TRIM24: variants seen among roughly 807,000 people sequenced by gnomAD.
The protein encoded by TRIM24 is tripartite motif containing 24.
A neutral mutation model predicts 123.9 loss-of-function variants in TRIM24; 29 were observed. That is an observed-to-expected ratio of 0.23 (90% confidence interval 0.17 to 0.32). TRIM24 has a LOEUF of 0.32. Ranked by LOEUF, TRIM24 falls within the 10% of genes least tolerant of loss-of-function variation. TRIM24 has a pLI of 1.00. For missense variants in TRIM24, 932 were observed against 1,295.3 expected, an observed-to-expected ratio of 0.72 and a Z score of 4.31; for synonymous variants, 456 against 461.1, an observed-to-expected ratio of 0.99 and a Z score of 0.14.
chr7:138,463,507 C>T (rs1795059786), intron 1 of TRIM24, among the ~76,000 whole-genome samples: 1 of 152,198 alleles, frequency 6.6e-6, no homozygotes, highest in Admixed American at 6.5e-5. Flanking sequence ...GCTGGGATTA[C>T]AGGTGTGAGC....
At chr7:138,577,726 A>G in intron 14 of TRIM24, 138 bp downstream of exon 14, 1 of 739,562 alleles carries the variant, frequency 1.4e-6, no homozygotes. Flanking sequence ...CTCTCAGTAA[A>G]TTAAACAAAA....
At chr7:138,470,775 G>C (rs1795256727) in intron 1 of TRIM24, among the ~76,000 whole-genome samples, 1 of 152,196 alleles carries the variant, frequency 6.6e-6, no homozygotes, top group Admixed American at 6.5e-5. Context: ...ACCTGAATAT[G>C]CAATTAGCTG....
intron 5 of TRIM24, among the ~76,000 whole-genome samples, chr7:138,527,229 CTT>C (rs1397894250): frequency 6.6e-6 from 1 of 151,996 alleles, no homozygotes; most frequent in African/African-American, 2.4e-5. Context: ...TATAGTAAGT[CTT>C]AACATAGTGT....
chr7:138,554,618 T>C lies in TRIM24; in HGVS notation c.1262-80T>C. On this transcript the variant is annotated intron_variant, in intron 8 of 18. Coordinates refer to ENST00000343526, the MANE Select transcript of TRIM24 (RefSeq NM_015905.3). This position sits in a 1 kb window ranked among gnomAD's most constrained non-coding sequence, Gnocchi z 4.5. The stretch of plus-strand genomic sequence containing the variant: ...GAATTTCTTGGCAATTTTGAAGTTC[T>C]GCAAAAATAGCTTTAGAAAATGTGA... 6.7e-7 allele frequency: 1 copy of C among 1,497,894 alleles called. No individual in the cohort carries two copies. Among genetic ancestry groups the C allele is most frequent in the Non-Finnish European group, 9.0e-7 (1 of 1,105,446 alleles). The allele number at this position is 1,497,894 out of a possible 1,614,324, so 92.8% of individuals were successfully genotyped here.
intron 11 of TRIM24, 25 bp from the exon 12 acceptor site, chr7:138,573,482 C>T (rs757261136): frequency 2.0e-6 from 3 of 1,517,652 alleles, no homozygotes; most frequent in South Asian, 2.7e-5. Flanking sequence ...TCAGAATGCC[C>T]TGAAATAATT....
At chr7:138,550,914 G>A (rs1584734055) in intron 7 of TRIM24, 149 bp from the exon 8 acceptor site, 5 of 567,046 alleles carry the variant, frequency 8.8e-6, no homozygotes, top group East Asian at 3.2e-5. Flanking sequence ...AACTTGTTTT[G>A]GAAAGAAAAT....
chr7:138,506,299 A>G (rs963171408), intron 2 of TRIM24, among the ~76,000 whole-genome samples: 1 of 152,244 alleles, frequency 6.6e-6, no homozygotes, highest in African/African-American at 2.4e-5. Context: ...AGAAAGAAAC[A>G]TATTTATGTA....
intron 1 of TRIM24, chr7:138,490,923 TG>T: frequency 2.6e-6 from 1 of 380,438 alleles, no homozygotes; most frequent in Non-Finnish European, 5.0e-6. Context: ...CTTCCGTATC[TG>T]ATTGTTGGTT....
rs181629928 is a variant in TRIM24 at position 138,573,917 on chromosome 7, G to A, written c.2014+275G>A. ...TGAGCTCAAGCGATCTCCCACCTCA[G>A]CCTCCTGAGTAGCTGGGACTGTAAG... is the stretch of plus-strand genomic sequence containing the variant. On this transcript the variant is annotated intron_variant, in intron 12 of 18. Transcript: ENST00000343526. Among the ~76,000 whole-genome samples, 66 of 152,236 alleles carry A rather than the reference G, an allele frequency of 4.3e-4. No individual in the cohort carries two copies. In the East Asian group the frequency reaches 0.012, roughly 27 times the overall value.
At chr7:138,563,709 G>A (rs1797474757) in intron 9 of TRIM24, among the ~76,000 whole-genome samples, 1 of 152,200 alleles carries the variant, frequency 6.6e-6, no homozygotes, top group African/African-American at 2.4e-5. Context: ...GGGTCAAACG[G>A]AGTGTAAAGC....
intron 10 of TRIM24, among the ~76,000 whole-genome samples, chr7:138,570,429 G>C (rs1053348572): frequency 6.6e-6 from 1 of 152,242 alleles, no homozygotes; most frequent in African/African-American, 2.4e-5. Context: ...ATAAAATCCT[G>C]AAAGTACCAG....
rs1554429651 is a variant in TRIM24, at chr7:138,463,989, C to CATTTTTTTTTT, written c.364+3077_364+3078insATTTTTTTTTT. ...ATACTAGCTGAAGCAAAAATTTAGA[C>CATTTTTTTTTT]TTTTTTTTTTTTTTTTTTTTTTTGA... On this transcript the variant is annotated intron_variant, in intron 1 of 18. Transcript: ENST00000343526. Among the ~76,000 whole-genome samples, 120 of 50,750 alleles carry CATTTTTTTTTT rather than the reference C, an allele frequency of 2.4e-3. 10 individuals carry two copies. The highest frequency in any genetic ancestry group is 9.5e-3 in the African/African-American group (116 of 12,200). 33.3% of individuals were successfully genotyped at this position (50,750 alleles called of 152,430 possible).
At chr7:138,527,905 T>C (rs1281671866) in intron 5 of TRIM24, among the ~76,000 whole-genome samples, 1 of 151,612 alleles carries the variant, frequency 6.6e-6, no homozygotes, top group Non-Finnish European at 1.5e-5. Flanking sequence ...GAACAAAGGC[T>C]GGGCCTAGAA....
Position 138,584,824 on chromosome 7 carries a change from G to T in TRIM24, c.3026G>T (p.Arg1009Met). The T allele has an allele frequency of 6.2e-7, 1 of 1,613,288 alleles. No homozygotes were observed. The highest frequency in any genetic ancestry group is 8.5e-7 in the Non-Finnish European group (1 of 1,179,698). ...ELLKNLYPEK[R>M]FPKPEFRNES... The stretch of plus-strand genomic sequence containing the variant: ...CTAAAGAACCTCTATCCAGAAAAAA[G>T]GTTTCCCAAACCAGAATTCAGGAAT... The change falls in exon 19 of 19, where the codon AGG (arginine) becomes ATG (methionine). Residue 1009 changes from arginine (R) to methionine (M), a missense_variant. By Grantham distance (91) the Arg-to-Met change is moderately conservative. Coordinates refer to ENST00000343526, the MANE Select transcript of TRIM24 (RefSeq NM_015905.3).
intron 9 of TRIM24, among the ~76,000 whole-genome samples, chr7:138,565,997 G>T (rs1797527808): frequency 6.6e-6 from 1 of 152,130 alleles, no homozygotes; most frequent in Non-Finnish European, 1.5e-5. Context: ...GCTCTGAGGG[G>T]GTGTTGGGAG....
At chr7:138,504,992 C>G (rs1182328054) in intron 2 of TRIM24, among the ~76,000 whole-genome samples, 1 of 151,136 alleles carries the variant, frequency 6.6e-6, no homozygotes, top group Non-Finnish European at 1.5e-5. Flanking sequence ...AACTCCTGAC[C>G]TTGAGTAATC....
chr7:138,530,911 A>G (rs1796717921), intron 6 of TRIM24, among the ~76,000 whole-genome samples: 2 of 151,366 alleles, frequency 1.3e-5, no homozygotes, highest in South Asian at 4.2e-4. Flanking sequence ...ACACCTGACT[A>G]ATTTTTTATT....
chr7:138,534,528 G>A (rs977490894), intron 6 of TRIM24, among the ~76,000 whole-genome samples: 1 of 152,180 alleles, frequency 6.6e-6, no homozygotes, highest in Admixed American at 6.6e-5. Flanking sequence ...GCGGTTTTGA[G>A]TGAGTTTCTT....
intron 2 of TRIM24, among the ~76,000 whole-genome samples, chr7:138,508,692 T>TGCGCGCGCGCGCGC (rs60180839): frequency 1.8e-4 from 25 of 137,278 alleles, no homozygotes; most frequent in East Asian, 7.0e-4. Flanking sequence ...TGTGTGTGTG[T>TGCGCGCGCGCGCGC]GCGCGCGCGT....
Sources: allele counts gnomAD v4.1 joint callset (sites outside exome capture counted in the v4.1 genomes callset), GRCh38; gene constraint gnomAD v4.1.1; non-coding constraint Gnocchi (gnomAD v3.1); transcripts MANE v1.5; gene names NCBI Gene and HGNC (gene_info 2026-07-23, HGNC 2026-07-21).